Variants in GPATCH2L observed in about 807,000 individuals in gnomAD.
The protein encoded by GPATCH2L is G-patch domain containing 2 like.
A neutral mutation model predicts 57.4 loss-of-function variants in GPATCH2L; 31 were observed. That is an observed-to-expected ratio of 0.54 (90% CI 0.41 to 0.73). GPATCH2L has a LOEUF of 0.73. Among genes scored for constraint, GPATCH2L ranks in the 30% least tolerant of loss-of-function variants. The pLI, the probability that GPATCH2L is intolerant of heterozygous loss-of-function variation, is 0.00. For synonymous variants in GPATCH2L, 199 were observed against 210.7 expected (o/e 0.94, Z 0.48); for missense variants, 481 against 599.9 (o/e 0.80, Z 2.07).
chr14:76,159,899 G>A (rs185567983), intron 2 of GPATCH2L, among the ~76,000 whole-genome samples: 5 of 152,280 alleles, frequency 3.3e-5, no homozygotes, highest in East Asian at 1.9e-4. Context: ...TTGGGAGGCC[G>A]AGGCAGGTGG....
At chr14:76,197,274 G>GT (rs2040182918) in intron 9 of GPATCH2L, among the ~76,000 whole-genome samples, 1 of 151,998 alleles carries the variant, frequency 6.6e-6, no homozygotes, top group Non-Finnish European at 1.5e-5. Flanking sequence ...CTATGGTATT[G>GT]GAAGCATTAA....
Position 76,201,875 on chromosome 14 carries a change from A to G in GPATCH2L, c.*24A>G. 2 of 1,603,422 alleles carry G rather than the reference A, an allele frequency of 1.2e-6. No individual in the cohort carries two copies. The highest frequency in any genetic ancestry group is 2.2e-5 in the South Asian group (2 of 90,020). On this transcript the variant is annotated 3_prime_UTR_variant, in exon 10 of 10. Coordinates refer to ENST00000261530, the MANE Select transcript of GPATCH2L (RefSeq NM_017926.4). ...AGAGAGCAGGACTTCACCCTCCAGG[A>G]GCTGACTGGGTGTTGCTGAAGCAAA... is the stretch of plus-strand genomic sequence containing the variant.
rs1013543613 is a variant in GPATCH2L at position 76,199,593 on chromosome 14, C to A, written c.1289-2098C>A. On this transcript the variant is annotated intron_variant, in intron 9 of 9. Coordinates refer to ENST00000261530, the MANE Select transcript of GPATCH2L (RefSeq NM_017926.4). ...AATACTGCACTGTTCTCTGAGAGAA[C>A]AAGTGCAAACATTCTTTTAGGCCAC... Among the ~76,000 whole-genome samples the A allele has an allele frequency of 7.2e-5, 11 of 152,216 alleles. No individual in the cohort carries two copies. The East Asian group carries it at 2.1e-3, about 29-fold the overall frequency.
chr14:76,196,725 G>C (rs373703823), intron 9 of GPATCH2L: 2 of 152,164 alleles, frequency 1.3e-5, no homozygotes, highest in African/African-American at 4.8e-5. Flanking sequence ...ACTGGATATT[G>C]AATATACCAT....
intron 1 of GPATCH2L, among the ~76,000 whole-genome samples, chr14:76,226,398 A>G (rs2040536588): frequency 6.6e-6 from 1 of 152,216 alleles, no homozygotes; most frequent in Non-Finnish European, 1.5e-5. Context: ...AAGAAGCAAA[A>G]CTGAACTTTG....
chr14:76,182,376 A>AC (rs1192034610), intron 8 of GPATCH2L, among the ~76,000 whole-genome samples: 1 of 147,800 alleles, frequency 6.8e-6, no homozygotes, highest in African/African-American at 2.5e-5. Flanking sequence ...AAAAAAAAAA[A>AC]AAAAAAAAGA....
At chr14:76,170,695 AT>A (rs1017127392) in intron 3 of GPATCH2L, 2 of 152,136 alleles carry the variant, frequency 1.3e-5, no homozygotes, top group Admixed American at 1.3e-4. Context: ...ACCTTTTATG[AT>A]AAAGGCAAAT....
intron 2 of GPATCH2L, among the ~76,000 whole-genome samples, chr14:76,158,129 CTTT>C (rs984865016): frequency 8.3e-4 from 124 of 148,780 alleles, no homozygotes; most frequent in Non-Finnish European, 1.5e-3. Flanking sequence ...AGTTTAGCTT[CTTT>C]TTTTTTTCAT....
intron 8 of GPATCH2L, among the ~76,000 whole-genome samples, chr14:76,194,206 A>T (rs190715604): frequency 1.1e-4 from 17 of 152,292 alleles, no homozygotes; most frequent in Non-Finnish European, 2.1e-4. Flanking sequence ...CGTTTTCCCT[A>T]CTTTACACAT....
intron 2 of GPATCH2L, among the ~76,000 whole-genome samples, chr14:76,157,293 G>A (rs1344291035): frequency 1.3e-5 from 2 of 152,180 alleles, no homozygotes; most frequent in African/African-American, 2.4e-5. Flanking sequence ...TGAATGTTGT[G>A]TTCAGCCTCT....
intron 3 of GPATCH2L, among the ~76,000 whole-genome samples, chr14:76,168,417 G>A (rs1276666956): frequency 6.6e-6 from 1 of 152,164 alleles, no homozygotes; most frequent in Non-Finnish European, 1.5e-5. Flanking sequence ...CCAAATTTTA[G>A]TGGCTTCTCA....
At chr14:76,217,786 G>A (rs895358822), downstream of GPATCH2L, among the ~76,000 whole-genome samples, 7 of 152,098 alleles carry the variant, frequency 4.6e-5, no homozygotes, top group Admixed American at 6.6e-5. Context: ...AAATGCAAAT[G>A]TCTCTCAAAC....
intron 2 of GPATCH2L, among the ~76,000 whole-genome samples, chr14:76,155,328 C>T (rs1900117): frequency 0.65 from 98,722 of 151,632 alleles, 33,161 homozygotes; most frequent in South Asian, 0.78. Context: ...TTATGCCATA[C>T]AGTTTATACA....
intron 2 of GPATCH2L, among the ~76,000 whole-genome samples, chr14:76,161,741 C>T (rs2038595007): frequency 6.6e-6 from 1 of 152,188 alleles, no homozygotes; most frequent in Admixed American, 6.5e-5. Flanking sequence ...TGCCCTAAAA[C>T]TTACTAGCTC....
At chr14:76,163,137 G>A (rs1247532214) in intron 2 of GPATCH2L, among the ~76,000 whole-genome samples, 4 of 152,122 alleles carry the variant, frequency 2.6e-5, no homozygotes, top group Admixed American at 1.3e-4. Context: ...TGGGCTTTAG[G>A]CATACACTAC....
intron 9 of GPATCH2L, among the ~76,000 whole-genome samples, chr14:76,197,479 C>T (rs938023086): frequency 1.3e-5 from 2 of 152,140 alleles, no homozygotes; most frequent in East Asian, 1.9e-4. Flanking sequence ...CATTTCCCCT[C>T]CTGAGCCCAG....
Position 76,210,487 on chromosome 14 carries a change from T to A in GPATCH2L, c.*8636T>A, listed in dbSNP as rs2040428683. 6.6e-6 allele frequency: 1 copy of A among 152,190 alleles called. No individual in the cohort carries two copies. Among genetic ancestry groups the A allele is most frequent in the Non-Finnish European group, 1.5e-5 (1 of 68,036 alleles). The allele number at this position is 152,190 out of a possible 1,614,324, so 9.4% of individuals were successfully genotyped here. A position where few individuals can be genotyped will look rare whatever the true frequency, so the allele number is the denominator to read the frequency against. ...CTCTTTATTGACTTGTTTGTCCTGGTGGGCTGTTTCTCTACCAGGCAACTG... is the reference window on the plus strand; with the variant it reads ...CTCTTTATTGACTTGTTTGTCCTGGAGGGCTGTTTCTCTACCAGGCAACTG... On this transcript the variant is annotated 3_prime_UTR_variant, in exon 10 of 10. Coordinates refer to ENST00000261530, the MANE Select transcript of GPATCH2L (RefSeq NM_017926.4).
At chr14:76,223,831 G>T (rs1193765930) in intron 1 of GPATCH2L, among the ~76,000 whole-genome samples, 1 of 152,158 alleles carries the variant, frequency 6.6e-6, no homozygotes, top group East Asian at 1.9e-4. Flanking sequence ...CACACGAAAA[G>T]ATGCTCAACA....
intron 1 of GPATCH2L, chr14:76,229,690 C>T (rs540575505): frequency 6.6e-6 from 1 of 152,186 alleles, no homozygotes; most frequent in Non-Finnish European, 1.5e-5. Flanking sequence ...CTCCTCCACT[C>T]TCATGTCATG....
Sources: gnomAD v4.1 joint callset for allele counts (sites outside exome capture counted in the v4.1 genomes callset) on GRCh38, gnomAD v4.1.1 for gene constraint, MANE v1.5 for transcripts, NCBI Gene and HGNC (gene_info 2026-07-23, HGNC 2026-07-21) for gene names.